TAT: variants seen among roughly 807,000 people sequenced by gnomAD.
TAT encodes L-tyrosine:2-oxoglutarate aminotransferase.
A neutral mutation model predicts 53.6 loss-of-function variants in TAT; 35 were observed. The observed-to-expected ratio is 0.65, with a 90% CI of 0.50 to 0.87. The LOEUF (loss-of-function observed/expected upper bound fraction) is 0.87, where lower values mean the gene tolerates loss of function less well. TAT is among the 40% of genes least tolerant of loss of function. TAT has a pLI of 0.00. For missense variants in TAT, 525 were observed against 571.8 expected (o/e 0.92, Z 0.83); for synonymous variants, 197 against 206.5 (o/e 0.95, Z 0.39).
chr16:71,576,618 G>C (rs1162399705), intron 1 of TAT, among the ~76,000 whole-genome samples, 191 bp from the exon 2 acceptor site: 1 of 152,054 alleles, frequency 6.6e-6, no homozygotes, highest in Non-Finnish European at 1.5e-5. Flanking sequence ...TTTTTACTGA[G>C]ATGGAAAATA....
chr16:71,569,833 G>A (rs1217623511), intron 10 of TAT, 21 bp downstream of exon 10: 1 of 1,609,942 alleles, frequency 6.2e-7, no homozygotes, highest in Non-Finnish European at 8.5e-7. Flanking sequence ...TTGACCTAGT[G>A]CCTGCCACCC....
chr16:71,570,697 T>A lies in TAT; in HGVS notation c.894A>T (p.Arg298Ser). The A allele has an allele frequency of 6.2e-7, 1 of 1,614,184 alleles. No homozygotes were observed. The highest frequency in any genetic ancestry group is 8.5e-7 in the Non-Finnish European group (1 of 1,180,034). ...RLGWILIHDR[R>S]DIFGNEIRDG... Reference sequence around the variant, plus strand: ...TTATCACCTCATTGCCAAAAATGTCTCTTCGGTCATGAATGAGGATCCAGC... The same window carrying A: ...TTATCACCTCATTGCCAAAAATGTCACTTCGGTCATGAATGAGGATCCAGC... Residue 298 changes from arginine (R) to serine (S), a missense_variant, in exon 8 of 12, where the codon AGA (arginine) becomes AGT (serine). Arg to Ser is a moderately radical substitution (Grantham distance 110, BLOSUM62 -1). Coordinates refer to ENST00000355962, the MANE Select transcript of TAT (RefSeq NM_000353.3).
At chr16:71,576,677 A>C (rs562919118) in intron 1 of TAT, among the ~76,000 whole-genome samples, 4 of 152,338 alleles carry the variant, frequency 2.6e-5, no homozygotes, top group African/African-American at 7.2e-5. Context: ...CGCATCTGCA[A>C]TTCCTGTCAA....
chr16:71,571,079 A>G (rs560553650), intron 7 of TAT, among the ~76,000 whole-genome samples: 1 of 152,316 alleles, frequency 6.6e-6, no homozygotes, highest in South Asian at 2.1e-4. Flanking sequence ...GCCCAGTAAT[A>G]TTTACAACTC....
chr16:71,573,853 G>GT (rs1331180584), intron 3 of TAT, among the ~76,000 whole-genome samples: 31 of 151,480 alleles, frequency 2.0e-4, no homozygotes, highest in Non-Finnish European at 2.7e-4. Context: ...GTTTTTGTTT[G>GT]TTTTTTTTGT....
rs1567589804 is a variant in TAT at position 71,568,100 on chromosome 16, G to C, written c.*44C>G. The C allele has an allele frequency of 1.2e-6, 2 of 1,613,760 alleles. No individual in the cohort carries two copies. The highest frequency in any genetic ancestry group is 1.7e-5 in the Admixed American group (1 of 60,024). On this transcript the variant is annotated 3_prime_UTR_variant, in exon 12 of 12. Transcript: ENST00000355962. ...CTGAGGAGCCGCAAGGCCTAGTCCA[G>C]CCTTCCCTAGATGGGACACATCCTC...
intron 4 of TAT, among the ~76,000 whole-genome samples, chr16:71,573,184 A>T (rs954674012): frequency 3.9e-5 from 6 of 152,144 alleles, no homozygotes; most frequent in Non-Finnish European, 8.8e-5. Flanking sequence ...AATTTTTTTT[A>T]AAAAAGAAAG....
In TAT at chr16:71,568,815, C is replaced by G; in HGVS notation, c.1126-6G>C. 6.2e-7 allele frequency: 1 copy of G among 1,612,238 alleles called. No homozygotes were observed. Among genetic ancestry groups the G allele is most frequent in the Non-Finnish European group, 8.5e-7 (1 of 1,178,778 alleles). On this transcript the variant is annotated splice_region_variant and splice_polypyrimidine_tract_variant and intron_variant, in intron 10 of 11. Transcript: ENST00000355962. ...TGTTCCATCTCAATTCCAACCTATA[C>G]CAACAGGAGGGAGAGGCCAACTTAT...
In TAT at chr16:71,567,927, C is replaced by G. The variant is rs1042112783; in HGVS notation, c.*217G>C. On this transcript the variant is annotated 3_prime_UTR_variant, in exon 12 of 12. Coordinates refer to ENST00000355962, the MANE Select transcript of TAT (RefSeq NM_000353.3). ...CAGATTAATGAATTAGTGAGTCACT[C>G]TAGCAGCGCAGAGCAAGGGAGAATC... 2 of 599,602 alleles carry G rather than the reference C, an allele frequency of 3.3e-6. No individual in the cohort carries two copies. The highest frequency in any genetic ancestry group is 5.4e-5 in the Admixed American group (2 of 36,920). 37.1% of individuals were successfully genotyped at this position (599,602 alleles called of 1,614,324 possible).
In TAT at chr16:71,575,916, G is replaced by A; in HGVS notation, c.340+6C>T. On this transcript the variant is annotated splice_donor_region_variant and intron_variant, in intron 3 of 11. Coordinates refer to ENST00000355962, the MANE Select transcript of TAT (RefSeq NM_000353.3). ...CACCAGGTATGGAGTCTCAGGAGGA[G>A]CTTACCGATGGATGGGGCATAGCCA... 4 of 1,613,862 alleles carry A rather than the reference G, an allele frequency of 2.5e-6. No homozygotes were observed. The South Asian group carries it at 3.3e-5, about 13-fold the overall frequency.
In TAT at chr16:71,566,167, A is replaced by G. The variant is rs944704400; in HGVS notation, c.*1977T>C. ...ATCTTTATCTAATCTCATCCTTTGT[A>G]TATTCGTCTTGGATTTGCTGAAGAA... is the stretch of plus-strand genomic sequence containing the variant. On this transcript the variant is annotated 3_prime_UTR_variant, in exon 12 of 12. Transcript: ENST00000355962. The G allele has an allele frequency of 6.6e-6, 1 of 152,138 alleles. No individual in the cohort carries two copies. The highest frequency in any genetic ancestry group is 1.5e-5 in the Non-Finnish European group (1 of 68,016). The allele number at this position is 152,138 out of a possible 1,614,324, so 9.4% of individuals were successfully genotyped here.
At chr16:71,572,725 T>C (rs768944897) in intron 4 of TAT, 37 bp from the exon 5 acceptor site, 4 of 1,613,308 alleles carry the variant, frequency 2.5e-6, no homozygotes, top group Non-Finnish European at 3.4e-6. Context: ...CATTAGGGGT[T>C]CCAACAGCAA....
Position 71,576,325 on chromosome 16 carries a change from G to A in TAT, c.91C>T (p.Pro31Ser). Residue 31 changes from proline to serine, a missense_variant, in exon 2 of 12, where the codon CCG becomes TCG. Physicochemically the swap from Pro to Ser is moderately conservative, Grantham distance 74. Coordinates refer to ENST00000355962, the MANE Select transcript of TAT (RefSeq NM_000353.3). ...HVNVGGRSSV[P>S]GKMKGRKARW... ...GCCTTTCTGCCTTTCATTTTTCCCG[G>A]CACAGAGCTTCTCCCACCAACGTTG... The A allele has an allele frequency of 6.2e-7, 1 of 1,614,148 alleles. No homozygotes were observed. Among genetic ancestry groups the A allele is most frequent in the Non-Finnish European group, 8.5e-7 (1 of 1,180,036 alleles).
rs2044174725 is a variant in TAT at position 71,567,864 on chromosome 16, T to C, written c.*280A>G. 6.8e-6 allele frequency: 3 copies of C among 440,036 alleles called. No homozygotes were observed. The highest frequency in any genetic ancestry group is 9.5e-5 in the East Asian group (2 of 21,054). 27.3% of individuals were successfully genotyped at this position (440,036 alleles called of 1,614,324 possible). ...CTGGTAAACTTTGTTCACCTGGTAC[T>C]TTCAAGAAAAAAAGAAGGAAATCTT... On this transcript the variant is annotated 3_prime_UTR_variant, in exon 12 of 12. Transcript: ENST00000355962.
At chr16:71,574,197 C>T (rs1035126932) in intron 3 of TAT, among the ~76,000 whole-genome samples, 5 of 152,242 alleles carry the variant, frequency 3.3e-5, no homozygotes, top group Non-Finnish European at 7.3e-5. Flanking sequence ...AAATACTCTG[C>T]ACCATCTTGA....
intron 3 of TAT, among the ~76,000 whole-genome samples, chr16:71,573,999 T>C (rs2044220707): frequency 6.6e-6 from 1 of 152,122 alleles, no homozygotes; most frequent in Admixed American, 6.5e-5. Flanking sequence ...GAAGTTTTCA[T>C]CCCTCAACTG....
chr16:71,573,022 A>G (rs2044213799), intron 4 of TAT, among the ~76,000 whole-genome samples: 1 of 152,178 alleles, frequency 6.6e-6, no homozygotes, highest in Admixed American at 6.5e-5. Context: ...CATACAGGTG[A>G]CAGACACACA....
rs1057457050 is a variant in TAT at position 71,576,216 on chromosome 16, G to C, written c.200C>G (p.Pro67Arg). The change falls in exon 2 of 12, where the codon CCA becomes CGA. Residue 67 changes from proline (P) to arginine (R), a missense_variant. Physicochemically the swap from Pro to Arg is moderately radical, Grantham distance 103. Transcript: ENST00000355962. ...GGAAATCATGGTTTTGTTTGGATTTGGTTTCACCTTCATGTTGTCCACAAT... is the reference window on the plus strand; with the variant it reads ...GGAAATCATGGTTTTGTTTGGATTTCGTTTCACCTTCATGTTGTCCACAAT... ...RAIVDNMKVK[P>R]NPNKTMISLS... 1 of 1,614,144 alleles carries C rather than the reference G, an allele frequency of 6.2e-7. No individual in the cohort carries two copies. Among genetic ancestry groups the C allele is most frequent in the Non-Finnish European group, 8.5e-7 (1 of 1,180,010 alleles).
At chr16:71,575,803 A>G in intron 3 of TAT, 119 bp downstream of exon 3, 1 of 1,091,908 alleles carries the variant, frequency 9.2e-7, no homozygotes. Context: ...ATGTAATCTT[A>G]GCCTCTCCTT....
Sources: gnomAD v4.1 joint callset for allele counts (sites outside exome capture counted in the v4.1 genomes callset) on GRCh38, gnomAD v4.1.1 for gene constraint, MANE v1.5 for transcripts, NCBI Gene and HGNC (gene_info 2026-07-23, HGNC 2026-07-21) for gene names.